Variants in MSH4 observed in about 807,000 individuals in gnomAD.
MSH4 encodes mutS protein homolog 4.
Under a neutral mutation model 113.7 loss-of-function variants are expected in MSH4, and 106 were observed. The observed-to-expected ratio is 0.93, with a 90% confidence interval of 0.80 to 1.10. The LOEUF (loss-of-function observed/expected upper bound fraction) is 1.10, where lower values mean the gene tolerates loss of function less well. MSH4 is among the 50% of genes least tolerant of loss of function. The probability of loss-of-function intolerance (pLI) is 0.00; values close to 1 mark genes in which losing one functional copy is unlikely to be tolerated. For missense variants in MSH4, 1,061 were observed against 1,093.7 expected (o/e 0.97, Z 0.42); for synonymous variants, 368 against 380.2 (o/e 0.97, Z 0.37).
At chr1:75,800,320 A>C (rs939085674) in intron 1 of MSH4, among the ~76,000 whole-genome samples, 2 of 152,230 alleles carry the variant, frequency 1.3e-5, no homozygotes, top group African/African-American at 4.8e-5. Context: ...CAGTTTGAGT[A>C]TATCATTGAT....
At position 75,879,073 on chromosome 1, in the gene MSH4, T is replaced by C. The variant is rs772370765; in HGVS notation, c.1622T>C (p.Met541Thr). Residue 541 changes from methionine (M) to threonine (T), a missense_variant, in exon 12 of 20, where the codon ATG becomes ACG. Physicochemically the swap from Met to Thr is moderately conservative, Grantham distance 81. Transcript: ENST00000263187. The part of the protein sequence containing the change: ...FSSARGFFIQ[M>T]TTDCIALPSD... ...TCTGCTCGAGGATTTTTCATCCAGA[T>C]GACTACAGATTGTATAGCCCTACCT... 6.2e-7 allele frequency: 1 copy of C among 1,611,644 alleles called. No homozygotes were observed. Among genetic ancestry groups the C allele is most frequent in the Non-Finnish European group, 8.5e-7 (1 of 1,177,914 alleles).
chr1:75,818,508 G>C (rs962633856), intron 6 of MSH4, among the ~76,000 whole-genome samples: 4 of 152,070 alleles, frequency 2.6e-5, no homozygotes, highest in Admixed American at 6.6e-5. Flanking sequence ...CTCATAACAT[G>C]GTTATTAGAA....
intron 9 of MSH4, among the ~76,000 whole-genome samples, chr1:75,875,967 A>G (rs2100568419): frequency 6.6e-6 from 1 of 152,322 alleles, no homozygotes; most frequent in East Asian, 1.9e-4. Context: ...GTTTCCATGT[A>G]CATAGACTTC....
intron 7 of MSH4, among the ~76,000 whole-genome samples, chr1:75,841,193 T>C (rs1019253589): frequency 2.0e-5 from 3 of 146,912 alleles, no homozygotes; most frequent in African/African-American, 2.5e-5. Flanking sequence ...CTTTCTCTTC[T>C]TTTTTTTTGT....
In MSH4 at chr1:75,819,844, G is replaced by A. The variant is rs146553840; in HGVS notation, c.990-2565G>A. On this transcript the variant is annotated intron_variant, in intron 6 of 19. Coordinates refer to ENST00000263187, the MANE Select transcript of MSH4 (RefSeq NM_002440.4). ...TTATGGCTCAGCCTCCTGAGAAGCT[G>A]GGATTACAGGTGCCTGCCACTATAC... 2.5e-3 allele frequency among the ~76,000 whole-genome samples: 382 copies of A among 152,192 alleles called. 3 individuals carry two copies. The highest frequency in any genetic ancestry group is 0.019 in the South Asian group (91 of 4,818).
chr1:75,837,020 G>A (rs1319760994), intron 7 of MSH4, among the ~76,000 whole-genome samples: 5 of 152,114 alleles, frequency 3.3e-5, no homozygotes, highest in East Asian at 1.9e-4. Flanking sequence ...TCTACATGTT[G>A]TGCTTCTCCA....
chr1:75,803,596 G>A lies in MSH4; in HGVS notation c.245-135G>A, dbSNP rs538159237. On this transcript the variant is annotated intron_variant, in intron 1 of 19. Transcript: ENST00000263187. Reference sequence around the variant, plus strand: ...CATGCCACTACGCTCCAGCCTGGGCGACAAGAGCAAGACTCTGTCTCAAAA... The same window carrying A: ...CATGCCACTACGCTCCAGCCTGGGCAACAAGAGCAAGACTCTGTCTCAAAA... 7.3e-5 allele frequency: 44 copies of A among 602,244 alleles called. No individual in the cohort carries two copies. In the South Asian group the frequency reaches 1.4e-3, roughly 19 times the overall value. The allele number at this position is 602,244 out of a possible 1,614,324, so 37.3% of individuals were successfully genotyped here.
At chr1:75,856,364 G>A (rs994684071) in intron 8 of MSH4, among the ~76,000 whole-genome samples, 1 of 151,916 alleles carries the variant, frequency 6.6e-6, no homozygotes, top group Non-Finnish European at 1.5e-5. Flanking sequence ...AGGTATACAC[G>A]TGCCATGGTG....
At chr1:75,801,420 A>T (rs1649931822) in intron 1 of MSH4, among the ~76,000 whole-genome samples, 1 of 151,758 alleles carries the variant, frequency 6.6e-6, no homozygotes. Flanking sequence ...CAAAAAAAAA[A>T]TAGCCAGGTG....
intron 7 of MSH4, among the ~76,000 whole-genome samples, chr1:75,822,873 T>C (rs767403736): frequency 6.6e-6 from 1 of 152,148 alleles, no homozygotes; most frequent in Non-Finnish European, 1.5e-5. Context: ...TTTTTCTCCA[T>C]GGTAATCCTC....
chr1:75,850,679 G>GTGT lies in MSH4; in HGVS notation c.1230+2405_1230+2407dup, dbSNP rs773663941. 5.3e-5 allele frequency among the ~76,000 whole-genome samples: 8 copies of GTGT among 152,204 alleles called. No individual in the cohort carries two copies. The East Asian group carries it at 1.2e-3, about 22-fold the overall frequency. Reference sequence around the variant, plus strand: ...GTCACTTTGTTCAAGTTGTGTGGTAGTGTTCTTCAAATCTCCTATATCCTT... The same window carrying GTGT: ...GTCACTTTGTTCAAGTTGTGTGGTAGTGTTGTTCTTCAAATCTCCTATATCCTT... On this transcript the variant is annotated intron_variant, in intron 8 of 19. Transcript: ENST00000263187.
At chr1:75,862,714 A>G (rs1570974098) in intron 8 of MSH4, among the ~76,000 whole-genome samples, 1 of 152,298 alleles carries the variant, frequency 6.6e-6, no homozygotes, top group South Asian at 2.1e-4. Flanking sequence ...CAAATCTCTT[A>G]ATTGAATACA....
At chr1:75,842,659 G>A (rs1364229367) in intron 7 of MSH4, among the ~76,000 whole-genome samples, 3 of 152,224 alleles carry the variant, frequency 2.0e-5, no homozygotes, top group African/African-American at 4.8e-5. Flanking sequence ...AAGAGTGCGA[G>A]CCTTCTGTTA....
intron 1 of MSH4, among the ~76,000 whole-genome samples, chr1:75,801,205 G>A (rs1285783860): frequency 2.0e-5 from 3 of 152,130 alleles, no homozygotes; most frequent in Non-Finnish European, 4.4e-5. Flanking sequence ...TGTCAGAGCT[G>A]AGTAATTGTG....
At chr1:75,900,775 C>T (rs538952393) in intron 19 of MSH4, among the ~76,000 whole-genome samples, 28 of 152,114 alleles carry the variant, frequency 1.8e-4, no homozygotes, top group Non-Finnish European at 3.1e-4. Context: ...CTTCACTTGC[C>T]TAATTATCTA....
At chr1:75,821,733 T>A (rs930380286) in intron 6 of MSH4, among the ~76,000 whole-genome samples, 1 of 152,186 alleles carries the variant, frequency 6.6e-6, no homozygotes, top group Non-Finnish European at 1.5e-5. Flanking sequence ...CTCAGCCTCC[T>A]GACTAACTGG....
intron 8 of MSH4, among the ~76,000 whole-genome samples, chr1:75,850,625 G>A (rs1293854286): frequency 1.3e-5 from 2 of 152,022 alleles, no homozygotes; most frequent in Non-Finnish European, 2.9e-5. Context: ...TGTGTATTTT[G>A]CTGTTGTTGG....
chr1:75,837,127 A>G (rs905828397), intron 7 of MSH4, among the ~76,000 whole-genome samples: 1 of 152,150 alleles, frequency 6.6e-6, no homozygotes, highest in Non-Finnish European at 1.5e-5. Flanking sequence ...GACCTCATGA[A>G]TGGGATCAGT....
chr1:75,899,694 G>A lies in MSH4; in HGVS notation c.2607G>A (p.Thr869=), dbSNP rs748007142. The A allele has an allele frequency of 1.4e-4, 209 of 1,492,908 alleles. No individual in the cohort carries two copies. Among genetic ancestry groups the A allele is most frequent in the Non-Finnish European group, 1.8e-4 (200 of 1,127,902 alleles). 92.5% of individuals were successfully genotyped at this position (1,492,908 alleles called of 1,614,324 possible). The part of the protein sequence containing the change: ...LDAKEITTQI[T]RQILQNQRST... Reference sequence around the variant, plus strand: ...CCAAGGAAATCACAACTCAAATTACGAGACAAATTTTGGTAAGAAACTTTG... The same window carrying A: ...CCAAGGAAATCACAACTCAAATTACAAGACAAATTTTGGTAAGAAACTTTG... Residue 869 remains threonine, a synonymous_variant, in exon 19 of 20, where the codon ACG becomes ACA. Coordinates refer to ENST00000263187, the MANE Select transcript of MSH4 (RefSeq NM_002440.4).
Sources: allele counts gnomAD v4.1 joint callset (sites outside exome capture counted in the v4.1 genomes callset), GRCh38; gene constraint gnomAD v4.1.1; transcripts MANE v1.5; gene names NCBI Gene and HGNC (gene_info 2026-07-23, HGNC 2026-07-21).